Variants in SEMA3A observed in about 807,000 individuals in gnomAD.
The protein encoded by SEMA3A is semaphorin-3A.
SEMA3A carries 29 observed loss-of-function variants against 97.9 expected under a neutral mutation model. The ratio of observed to expected loss-of-function variants is 0.30; its 90% CI spans 0.22 to 0.40. The LOEUF (loss-of-function observed/expected upper bound fraction) is 0.40, where lower values mean the gene tolerates loss of function less well. Ranked by LOEUF, SEMA3A falls within the 10% of genes least tolerant of loss-of-function variation. The pLI, the probability that SEMA3A is intolerant of heterozygous loss-of-function variation, is 1.00. For missense variants in SEMA3A, 763 were observed against 951.3 expected, an observed-to-expected ratio of 0.80 and a Z score of 2.60; for synonymous variants, 321 against 323.7, an observed-to-expected ratio of 0.99 and a Z score of 0.09.
chr7:84,344,756 G>C (rs1401493352), intron 2 of SEMA3A, among the ~76,000 whole-genome samples: 4 of 152,106 alleles, frequency 2.6e-5, no homozygotes, highest in Non-Finnish European at 5.9e-5. Flanking sequence ...AAAATATCTG[G>C]AGCTCAAGGA....
At chr7:83,997,081 A>G (rs1790252529) in intron 12 of SEMA3A, among the ~76,000 whole-genome samples, 1 of 152,124 alleles carries the variant, frequency 6.6e-6, no homozygotes, top group African/African-American at 2.4e-5. Flanking sequence ...GTTTTAATTC[A>G]TGTATTTATA....
At chr7:84,351,066 T>TACACACAC (rs149149582) in intron 2 of SEMA3A, among the ~76,000 whole-genome samples, 4 of 146,560 alleles carry the variant, frequency 2.7e-5, no homozygotes, top group Admixed American at 2.0e-4. Flanking sequence ...TACACATGCA[T>TACACACAC]ACACACACAC....
intron 1 of SEMA3A, among the ~76,000 whole-genome samples, chr7:84,140,834 A>G (rs1796272909): frequency 6.6e-6 from 1 of 152,144 alleles, no homozygotes; most frequent in African/African-American, 2.4e-5. Context: ...AAAAAACAAA[A>G]GCAAGGACTA....
intron 4 of SEMA3A, among the ~76,000 whole-genome samples, chr7:84,095,358 C>CACACACATATATAT (rs1211794166): frequency 1.1e-4 from 14 of 122,900 alleles, no homozygotes; most frequent in African/African-American, 4.8e-4. Context: ...TTTTTATATA[C>CACACACATATATAT]ATATATATAT....
chr7:84,466,643 T>C (rs1318715283), intron 1 of SEMA3A, among the ~76,000 whole-genome samples: 1 of 152,182 alleles, frequency 6.6e-6, no homozygotes, highest in Non-Finnish European at 1.5e-5. Context: ...TAAATCTCCA[T>C]CCAAGATGAA....
At chr7:84,019,865 T>G (rs1345611746) in intron 6 of SEMA3A, among the ~76,000 whole-genome samples, 3 of 152,008 alleles carry the variant, frequency 2.0e-5, no homozygotes, top group Non-Finnish European at 4.4e-5. Context: ...AATTGTAAGC[T>G]ATCTAAACTT....
chr7:84,176,702 C>T (rs1402816423), intron 1 of SEMA3A, among the ~76,000 whole-genome samples: 1 of 152,160 alleles, frequency 6.6e-6, no homozygotes, highest in African/African-American at 2.4e-5. Context: ...CAATTCCTGT[C>T]ATTCCCTATT....
At chr7:84,159,113 A>AT (rs774813978) in intron 1 of SEMA3A, among the ~76,000 whole-genome samples, 1 of 151,112 alleles carries the variant, frequency 6.6e-6, no homozygotes, top group African/African-American at 2.4e-5. Context: ...AACGTTTTTC[A>AT]TTTTTTTTTA....
At chr7:84,467,602 G>A (rs1288731388) in intron 1 of SEMA3A, among the ~76,000 whole-genome samples, 4 of 148,286 alleles carry the variant, frequency 2.7e-5, no homozygotes, top group African/African-American at 7.5e-5. Flanking sequence ...ACTGAACTAC[G>A]ACTTCCTATC....
At position 84,110,543 on chromosome 7, in the gene SEMA3A, G is replaced by C. The variant is rs1795247737; in HGVS notation, c.380C>G (p.Thr127Ser). The change falls in exon 4 of 17, where the codon ACT (threonine) becomes AGT (serine). Residue 127 changes from threonine (T) to serine (S), a missense_variant. This residue lies in a region of SEMA3A where 678 missense variants were observed against 881.3 expected (regional missense o/e 0.77). Coordinates refer to ENST00000265362, the MANE Select transcript of SEMA3A (RefSeq NM_006080.3). ...CCCCGTTCCACAGGCGTACAAGTGAGTCTGATTATATGCCTTAAGTACCTT... is the reference window on the plus strand; with the variant it reads ...CCCCGTTCCACAGGCGTACAAGTGACTCTGATTATATGCCTTAAGTACCTT... Reference protein sequence around the residue: ...FIKVLKAYNQTHLYACGTGAF... With the variant: ...FIKVLKAYNQSHLYACGTGAF... 3.1e-6 allele frequency: 5 copies of C among 1,613,930 alleles called. No individual in the cohort carries two copies. Among genetic ancestry groups the C allele is most frequent in the Non-Finnish European group, 3.4e-6 (4 of 1,179,858 alleles).
chr7:84,216,615 C>T (rs1011840442), intron 3 of SEMA3A, among the ~76,000 whole-genome samples: 15 of 152,154 alleles, frequency 9.9e-5, no homozygotes, highest in African/African-American at 3.1e-4. Flanking sequence ...AACTGTGTAA[C>T]AGTCATGCCT....
chr7:83,965,837 C>T (rs1291820786), intron 15 of SEMA3A, among the ~76,000 whole-genome samples: 2 of 149,574 alleles, frequency 1.3e-5, no homozygotes, highest in African/African-American at 4.9e-5. Flanking sequence ...CCTGCCACCA[C>T]GCCCAGCTAG....
chr7:84,325,910 T>G (rs1347944386), intron 2 of SEMA3A, among the ~76,000 whole-genome samples: 1 of 152,016 alleles, frequency 6.6e-6, no homozygotes, highest in Admixed American at 6.6e-5. Context: ...ATCTCCCCAT[T>G]TCCCCACCCC....
chr7:84,359,171 C>G (rs1371053258), intron 2 of SEMA3A, among the ~76,000 whole-genome samples: 1 of 152,242 alleles, frequency 6.6e-6, no homozygotes, highest in Non-Finnish European at 1.5e-5. Context: ...ACTTCCAACA[C>G]TATGTTGAAT....
intron 3 of SEMA3A, 119 bp from the exon 4 acceptor site, chr7:84,110,708 G>A: frequency 9.2e-7 from 1 of 1,092,704 alleles, no homozygotes; most frequent in East Asian, 2.5e-5. Context: ...TTTTTTTTTG[G>A]CATCCCTTTC....
intron 1 of SEMA3A, among the ~76,000 whole-genome samples, chr7:84,382,967 A>G (rs1733998): frequency 0.18 from 26,896 of 152,050 alleles, 2,530 homozygotes; most frequent in Middle Eastern, 0.23. Flanking sequence ...TCTAGATTAC[A>G]ATAAACATAA....
At chr7:84,319,122 A>T (rs892868767) in intron 2 of SEMA3A, among the ~76,000 whole-genome samples, 1 of 152,218 alleles carries the variant, frequency 6.6e-6, no homozygotes, top group Non-Finnish European at 1.5e-5. Flanking sequence ...AATTCACTGT[A>T]CAGGTAAGAA....
In SEMA3A at chr7:83,980,619, A is replaced by C. The variant is rs1202624634; in HGVS notation, c.1652+702T>G. Among the ~76,000 whole-genome samples the C allele has an allele frequency of 6.8e-4, 54 of 79,854 alleles. 1 individual carries two copies. Among genetic ancestry groups the C allele is most frequent in the African/African-American group, 3.3e-3 (52 of 15,788 alleles). 52.4% of individuals were successfully genotyped at this position (79,854 alleles called of 152,430 possible). A position where few individuals can be genotyped will look rare whatever the true frequency, so the allele number is the denominator to read the frequency against. On this transcript the variant is annotated intron_variant, in intron 14 of 16. Transcript: ENST00000265362. ...ACTCCATCTCAAAAAAAAAAAAAAA[A>C]AAAAATATATATATATATATACACA... is the stretch of plus-strand genomic sequence containing the variant.
chr7:84,053,574 C>T lies in SEMA3A; in HGVS notation c.547+6891G>A, dbSNP rs1046494507. On this transcript the variant is annotated intron_variant, in intron 5 of 16. Coordinates refer to ENST00000265362, the MANE Select transcript of SEMA3A (RefSeq NM_006080.3). Reference sequence around the variant, plus strand: ...GTTTTCCATTTGCTTGGTAGATCTTCCTCCATCCTTTTATTTTGAGCCTAT... The same window carrying T: ...GTTTTCCATTTGCTTGGTAGATCTTTCTCCATCCTTTTATTTTGAGCCTAT... Among the ~76,000 whole-genome samples the T allele has an allele frequency of 9.2e-5, 4 of 43,602 alleles. No individual in the cohort carries two copies. The African/African-American group carries it at 1.3e-3, about 14-fold the overall frequency. The allele number at this position is 43,602 out of a possible 152,430, so 28.6% of individuals were successfully genotyped here.
Sources: allele counts gnomAD v4.1 joint callset (sites outside exome capture counted in the v4.1 genomes callset), GRCh38; gene constraint gnomAD v4.1.1; regional missense constraint gnomAD v4.1.1; transcripts MANE v1.5; gene names NCBI Gene and HGNC (gene_info 2026-07-23, HGNC 2026-07-21).